The following CNOT2 variants were observed in gnomAD, a reference collection of about 807,000 sequenced individuals.
CNOT2 encodes the protein CC chemokine receptor 4-negative regulator of transcription 2.
In CNOT2, 7 loss-of-function variants were observed where a neutral mutation model predicts 72.1. The observed-to-expected ratio is 0.10, with a 90% CI of 0.06 to 0.18. The LOEUF is 0.18. CNOT2 is among the 10% of genes least tolerant of loss of function. The probability of loss-of-function intolerance (pLI) is 1.00; values close to 1 mark genes in which losing one functional copy is unlikely to be tolerated. For synonymous variants in CNOT2, 196 were observed against 225.6 expected (o/e 0.87, Z 1.17); for missense variants, 345 against 660.3 (o/e 0.52, Z 5.23).
chr12:70,291,692 C>CT (rs1042757141), intron 2 of CNOT2, among the ~76,000 whole-genome samples: 1 of 152,034 alleles, frequency 6.6e-6, no homozygotes, highest in African/African-American at 2.4e-5. Flanking sequence ...AATCCCAGCA[C>CT]TTTGGGAGGC....
intron 2 of CNOT2, among the ~76,000 whole-genome samples, chr12:70,308,439 C>T (rs1875823574): frequency 6.6e-6 from 1 of 151,978 alleles, no homozygotes; most frequent in Non-Finnish European, 1.5e-5. Flanking sequence ...GTCTCACTCT[C>T]GTTTTGTTTT....
chr12:70,243,886 C>T, intron 1 of CNOT2: 1 of 152,232 alleles, frequency 6.6e-6, no homozygotes, highest in East Asian at 1.9e-4. Flanking sequence ...CGCGCTGCTT[C>T]CTGGGGGAGA....
Position 70,338,708 on chromosome 12 carries a change from T to C in CNOT2, c.1064T>C (p.Phe355Ser), listed in dbSNP as rs1442215671. 1 of 1,613,388 alleles carries C rather than the reference T, an allele frequency of 6.2e-7. No individual in the cohort carries two copies. Among genetic ancestry groups the C allele is most frequent in the African/African-American group, 1.3e-5 (1 of 74,988 alleles). The change falls in exon 11 of 16, where the codon TTT becomes TCT. Residue 355 changes from phenylalanine (F) to serine (S), a missense_variant. By Grantham distance (155) the Phe-to-Ser change is radical. Coordinates refer to ENST00000229195, the MANE Select transcript of CNOT2 (RefSeq NM_014515.7). ...NIPQGMVTDQ[F>S]GMIGLLTFIR... is the part of the protein sequence containing the mutation. ...CCTCAAGGGATGGTGACGGACCAAT[T>C]TGGAATGATTGGCCTGTTAACATTT...
intron 2 of CNOT2, among the ~76,000 whole-genome samples, chr12:70,302,521 A>T (rs144458416): frequency 0.14 from 21,394 of 149,960 alleles, 1,782 homozygotes; most frequent in Admixed American, 0.28. Flanking sequence ...TGTAGTTGAG[A>T]GGTTTTGAGT....
chr12:70,345,048 C>T (rs1335215309), intron 14 of CNOT2: 1 of 152,160 alleles, frequency 6.6e-6, no homozygotes, highest in Non-Finnish European at 1.5e-5. Flanking sequence ...TATTTTTTCC[C>T]TGAGCAGTTC....
intron 2 of CNOT2, among the ~76,000 whole-genome samples, chr12:70,302,978 C>G (rs1356178402): frequency 6.6e-6 from 1 of 152,188 alleles, no homozygotes; most frequent in Non-Finnish European, 1.5e-5. Context: ...TAATGGCCTT[C>G]TTTGTCTCTT....
intron 6 of CNOT2, chr12:70,330,790 A>C (rs1016251412): frequency 1.4e-5 from 3 of 221,270 alleles, no homozygotes; most frequent in Admixed American, 5.6e-5. Flanking sequence ...TAAGAGTTCT[A>C]GGTTTATGAA....
At chr12:70,326,541 AGTGAGAGAT>A (rs1879108612) in intron 4 of CNOT2, among the ~76,000 whole-genome samples, 1 of 151,026 alleles carries the variant, frequency 6.6e-6, no homozygotes, top group South Asian at 2.1e-4. Flanking sequence ...TAATTATACT[AGTGAGAGAT>A]TAGATTTTTT....
At chr12:70,343,605 A>C (rs1312681285) in intron 13 of CNOT2, among the ~76,000 whole-genome samples, 1 of 152,216 alleles carries the variant, frequency 6.6e-6, no homozygotes. Context: ...CATTTTTTAT[A>C]AGCCGTCTAT....
chr12:70,289,260 G>T (rs989784364), intron 2 of CNOT2, among the ~76,000 whole-genome samples: 1 of 151,880 alleles, frequency 6.6e-6, no homozygotes, highest in African/African-American at 2.4e-5. Flanking sequence ...TTTGCTTTTA[G>T]AATTTTTTAA....
chr12:70,257,079 A>G (rs1385750940), intron 1 of CNOT2, among the ~76,000 whole-genome samples: 2 of 152,164 alleles, frequency 1.3e-5, no homozygotes, highest in East Asian at 3.8e-4. Context: ...ACATTCTTGT[A>G]CCTGAATTGT....
At chr12:70,249,845 C>T (rs2135696451) in intron 1 of CNOT2, among the ~76,000 whole-genome samples, 1 of 152,114 alleles carries the variant, frequency 6.6e-6, no homozygotes, top group African/African-American at 2.4e-5. Flanking sequence ...CATATTATTG[C>T]ACCATTATTC....
chr12:70,353,176 G>A (rs1368146826), intron 15 of CNOT2, among the ~76,000 whole-genome samples: 4 of 151,556 alleles, frequency 2.6e-5, no homozygotes, highest in African/African-American at 7.3e-5. Flanking sequence ...AGGTTCAAGC[G>A]ATTCTCCTGC....
chr12:70,286,969 T>C (rs554241273), intron 2 of CNOT2, among the ~76,000 whole-genome samples: 1 of 152,222 alleles, frequency 6.6e-6, no homozygotes, highest in South Asian at 2.1e-4. Context: ...ATAGGTGTTA[T>C]TGAAATATAG....
In CNOT2 at chr12:70,337,437, T is replaced by C; in HGVS notation, c.824T>C (p.Ile275Thr). The C allele has an allele frequency of 6.2e-7, 1 of 1,609,676 alleles. No individual in the cohort carries two copies. Among genetic ancestry groups the C allele is most frequent in the Non-Finnish European group, 8.5e-7 (1 of 1,176,474 alleles). ...AATGAACAATCCCAGGACTTCTCAA[T>C]ACACAATGAAGATTTTCCAGCATTA... is the stretch of plus-strand genomic sequence containing the variant. ...PANEQSQDFS[I>T]HNEDFPALPG... The change falls in exon 9 of 16, where the codon ATA becomes ACA. Residue 275 changes from isoleucine to threonine, a missense_variant. Physicochemically the swap from Ile to Thr is moderately conservative, Grantham distance 89. Transcript: ENST00000229195.
At chr12:70,292,148 T>C (rs1872026920) in intron 2 of CNOT2, among the ~76,000 whole-genome samples, 1 of 152,192 alleles carries the variant, frequency 6.6e-6, no homozygotes, top group East Asian at 1.9e-4. Flanking sequence ...ATAAGACATA[T>C]TAACATCATA....
At chr12:70,248,870 C>T (rs1305691497) in intron 1 of CNOT2, among the ~76,000 whole-genome samples, 1 of 151,996 alleles carries the variant, frequency 6.6e-6, no homozygotes, top group Non-Finnish European at 1.5e-5. Flanking sequence ...ATGGAAATGT[C>T]TTTCCTTATA....
chr12:70,261,552 G>A (rs1033340045), intron 1 of CNOT2, among the ~76,000 whole-genome samples: 11 of 151,638 alleles, frequency 7.3e-5, no homozygotes, highest in Admixed American at 2.0e-4. Flanking sequence ...TCCTGACCTC[G>A]TTGTCCTCCT....
chr12:70,277,242 A>C (rs1340589793), intron 1 of CNOT2, among the ~76,000 whole-genome samples: 1 of 152,154 alleles, frequency 6.6e-6, no homozygotes, highest in African/African-American at 2.4e-5. Context: ...CTGTCTTGAA[A>C]ATGCATATTT....
Sources: gnomAD v4.1 joint callset for allele counts (sites outside exome capture counted in the v4.1 genomes callset) on GRCh38, gnomAD v4.1.1 for gene constraint, MANE v1.5 for transcripts, NCBI Gene and HGNC (gene_info 2026-07-23, HGNC 2026-07-21) for gene names.